The following GUCY1A2 variants were observed in gnomAD, a reference collection of about 807,000 sequenced individuals.
GUCY1A2 encodes guanylate cyclase 1 soluble subunit alpha 2.
GUCY1A2 carries 27 observed loss-of-function variants against 63.5 expected under a neutral mutation model. The observed-to-expected ratio is 0.43, with a 90% CI of 0.31 to 0.59. The LOEUF (loss-of-function observed/expected upper bound fraction) is 0.59. GUCY1A2 is among the 20% of genes least tolerant of loss of function. The pLI is 0.11. For synonymous variants in GUCY1A2, 364 were observed against 343.5 expected (o/e 1.06, Z -0.66); for missense variants, 768 against 913.3 (o/e 0.84, Z 2.05).
rs769254482 is a variant in GUCY1A2, at chr11:107,017,940, C to T, written c.116G>A (p.Ser39Asn). ...CPLSRLCWNG[S>N]RSPPGPLEPS... The stretch of plus-strand genomic sequence containing the variant: ...CTCCAGCGGCCCGGGCGGGCTCCGG[C>T]TGCCATTCCAGCAGAGCCTAGACAG... The change falls in exon 1 of 8, where the codon AGC becomes AAC. Residue 39 changes from serine (S) to asparagine (N), a missense_variant. Physicochemically the swap from Ser to Asn is conservative, Grantham distance 46. This residue lies in a region of GUCY1A2 where 496 missense variants were observed against 486.9 expected (regional missense o/e 1.02). Transcript: ENST00000526355. The T allele has an allele frequency of 3.2e-5, 43 of 1,354,398 alleles. No homozygotes were observed. The South Asian group carries it at 8.9e-4, about 28-fold the overall frequency. 83.9% of individuals were successfully genotyped at this position (1,354,398 alleles called of 1,614,324 possible).
intron 3 of GUCY1A2, among the ~76,000 whole-genome samples, chr11:106,968,057 G>A (rs1861148217): frequency 6.6e-6 from 1 of 152,132 alleles, no homozygotes; most frequent in Non-Finnish European, 1.5e-5. Context: ...GAGGTGACTT[G>A]GTATCAAATA....
At chr11:106,869,873 T>TA (rs1356360885) in intron 4 of GUCY1A2, among the ~76,000 whole-genome samples, 2 of 151,940 alleles carry the variant, frequency 1.3e-5, no homozygotes, top group East Asian at 3.9e-4. Context: ...CCAACAATGA[T>TA]AGAGTGGATT....
chr11:106,921,189 T>C (rs1195988015), intron 4 of GUCY1A2, among the ~76,000 whole-genome samples: 3 of 152,092 alleles, frequency 2.0e-5, no homozygotes, highest in East Asian at 3.8e-4. Flanking sequence ...TGTTTATGGA[T>C]TTCTCATTAT....
chr11:106,766,705 T>A (rs1048076284), intron 6 of GUCY1A2, among the ~76,000 whole-genome samples: 5 of 152,114 alleles, frequency 3.3e-5, no homozygotes, highest in African/African-American at 1.2e-4. Context: ...AGCACATTAC[T>A]GTCTTATGTG....
At chr11:106,827,985 G>T in intron 4 of GUCY1A2, 2 of 766,782 alleles carry the variant, frequency 2.6e-6, no homozygotes, top group Non-Finnish European at 4.6e-6. Context: ...GTCACTTCCG[G>T]TGCCTTATCC....
Position 106,737,425 on chromosome 11 carries a change from TG to T in GUCY1A2, c.1837-28760del, listed in dbSNP as rs1487094672. ...TTCTTTTTTTAAATTATACTTTAAG[TG>T]CTGGGGTACATGTGCAAAACATGCA... is the stretch of plus-strand genomic sequence containing the variant. On this transcript the variant is annotated intron_variant, in intron 6 of 7. Transcript: ENST00000526355. Among the ~76,000 whole-genome samples, 3 of 152,318 alleles carry T rather than the reference TG, an allele frequency of 2.0e-5. No individual in the cohort carries two copies. In the East Asian group the frequency reaches 5.8e-4, roughly 29 times the overall value.
chr11:106,982,562 C>A (rs567513011), intron 2 of GUCY1A2, among the ~76,000 whole-genome samples: 1 of 152,158 alleles, frequency 6.6e-6, no homozygotes, highest in African/African-American at 2.4e-5. Context: ...ACAAAGTCAA[C>A]CTGACACGAT....
intron 3 of GUCY1A2, among the ~76,000 whole-genome samples, chr11:106,970,839 T>C (rs1039782807): frequency 1.7e-4 from 26 of 149,132 alleles, no homozygotes; most frequent in Non-Finnish European, 3.7e-4. Flanking sequence ...AATTAATGAA[T>C]GGATAAGCAA....
At chr11:106,894,481 A>G (rs767594934) in intron 4 of GUCY1A2, among the ~76,000 whole-genome samples, 1 of 152,182 alleles carries the variant, frequency 6.6e-6, no homozygotes, top group Non-Finnish European at 1.5e-5. Context: ...ACTTAATCCA[A>G]CAAAAGCAGA....
intron 4 of GUCY1A2, among the ~76,000 whole-genome samples, chr11:106,825,534 ATTGTC>A (rs1316287122): frequency 6.6e-6 from 1 of 150,986 alleles, no homozygotes; most frequent in Non-Finnish European, 1.5e-5. Flanking sequence ...AGTCCATATA[ATTGTC>A]TTAAGTTTTT....
chr11:107,013,312 G>C (rs932646462), intron 1 of GUCY1A2, among the ~76,000 whole-genome samples: 1 of 152,084 alleles, frequency 6.6e-6, no homozygotes, highest in African/African-American at 2.4e-5. Flanking sequence ...CTCTAGTGGT[G>C]TATCTTCACT....
intron 4 of GUCY1A2, among the ~76,000 whole-genome samples, chr11:106,874,184 A>G (rs532147059): frequency 2.6e-5 from 4 of 152,190 alleles, no homozygotes; most frequent in Non-Finnish European, 5.9e-5. Flanking sequence ...ATATTTGCTG[A>G]ATACATATTA....
chr11:106,686,942 AC>A lies in GUCY1A2; in HGVS notation c.*606del, dbSNP rs1862536466. 5.0e-6 allele frequency: 1 copy of A among 199,152 alleles called. No individual in the cohort carries two copies. Among genetic ancestry groups the A allele is most frequent in the Non-Finnish European group, 1.0e-5 (1 of 96,522 alleles). The allele number at this position is 199,152 out of a possible 1,614,324, so 12.3% of individuals were successfully genotyped here. A position where few individuals can be genotyped will look rare whatever the true frequency, so the allele number is the denominator to read the frequency against. On this transcript the variant is annotated 3_prime_UTR_variant, in exon 8 of 8. Coordinates refer to ENST00000526355, the MANE Select transcript of GUCY1A2 (RefSeq NM_000855.3). ...AATAGGTTAGCATTATATATAATAT[AC>A]TAACAATACAGAAGCAGATTCTGAA...
chr11:106,884,529 G>A (rs1859872239), intron 4 of GUCY1A2, among the ~76,000 whole-genome samples: 1 of 152,068 alleles, frequency 6.6e-6, no homozygotes, highest in Non-Finnish European at 1.5e-5. Context: ...AACAAGCCAC[G>A]TGGAAGGCTG....
chr11:106,825,856 G>A lies in GUCY1A2; in HGVS notation c.1207-15378C>T, dbSNP rs182859621. 3.4e-3 allele frequency among the ~76,000 whole-genome samples: 521 copies of A among 152,264 alleles called. 4 individuals are homozygous for A. Among genetic ancestry groups the A allele is most frequent in the African/African-American group, 0.012 (486 of 41,552 alleles). On this transcript the variant is annotated intron_variant, in intron 4 of 7. Coordinates refer to ENST00000526355, the MANE Select transcript of GUCY1A2 (RefSeq NM_000855.3). ...AGCTGTCCTGGGCTGCATTCGACCC[G>A]TGGGCTAGAGTTGGACAAGCTTGTA...
Position 106,776,474 on chromosome 11 carries a change from C to T in GUCY1A2, c.1801G>A (p.Glu601Lys). The change falls in exon 6 of 8, where the codon GAA becomes AAA. Residue 601 changes from glutamate (E) to lysine (K), a missense_variant. Glu to Lys is a moderately conservative substitution (Grantham distance 56). Around this residue, in one of 3 missense-constraint regions of GUCY1A2, gnomAD observed 150 missense variants for 188.3 expected, o/e 0.80. Coordinates refer to ENST00000526355, the MANE Select transcript of GUCY1A2 (RefSeq NM_000855.3). The part of the protein sequence containing the change: ...LMALKMMELS[E>K]EVLTPDGRPI... ...CTTCCATCAGGTGTCAGCACCTCTT[C>T]TGAAAGTTCCATCATCTTCAAGGCC... The T allele has an allele frequency of 6.2e-7, 1 of 1,613,936 alleles. No homozygotes were observed. Among genetic ancestry groups the T allele is most frequent in the South Asian group, 1.1e-5 (1 of 91,068 alleles).
At chr11:106,995,378 T>A (rs760859527) in intron 1 of GUCY1A2, among the ~76,000 whole-genome samples, 2 of 152,144 alleles carry the variant, frequency 1.3e-5, no homozygotes, top group Non-Finnish European at 2.9e-5. Flanking sequence ...GTAGTAAGTG[T>A]CTGAGTCACA....
At chr11:106,801,848 C>A (rs762258038) in intron 5 of GUCY1A2, among the ~76,000 whole-genome samples, 1 of 152,066 alleles carries the variant, frequency 6.6e-6, no homozygotes, top group Non-Finnish European at 1.5e-5. Flanking sequence ...CATACTCCTA[C>A]TATGTACCCA....
chr11:106,943,863 G>A (rs1449603791), intron 3 of GUCY1A2, among the ~76,000 whole-genome samples: 6 of 152,050 alleles, frequency 3.9e-5, no homozygotes, highest in Admixed American at 3.9e-4. Flanking sequence ...AAGAAAAACA[G>A]TATCTGCCTC....
Sources: gnomAD v4.1 joint callset for allele counts (sites outside exome capture counted in the v4.1 genomes callset) on GRCh38, gnomAD v4.1.1 for gene constraint, gnomAD v4.1.1 regional missense constraint, MANE v1.5 for transcripts, NCBI Gene and HGNC (gene_info 2026-07-23, HGNC 2026-07-21) for gene names.